Variants in KRT26 observed in about 807,000 individuals in gnomAD.
The protein encoded by KRT26 is keratin 26, also known as keratin, type I cytoskeletal 26.
In KRT26, 45 loss-of-function variants were observed where a neutral mutation model predicts 46.1. The observed-to-expected ratio is 0.98, with a 90% CI of 0.77 to 1.25. The LOEUF (loss-of-function observed/expected upper bound fraction) is 1.25, where lower values mean the gene tolerates loss of function less well. Ranked by LOEUF, KRT26 falls within the 50% of genes most tolerant of loss-of-function variation. The pLI is 0.00. For missense variants in KRT26, 582 were observed against 560.1 expected (o/e 1.04, Z -0.39); for synonymous variants, 191 against 209.9 (o/e 0.91, Z 0.78).
exon 1 of KRT26, chr17:40,772,084 C>G (rs1224523072): frequency 1.2e-6 from 2 of 1,614,052 alleles, no homozygotes; most frequent in South Asian, 2.2e-5. Context: ...AGCAGATCCT[C>G]CTGGATCCAC....
chr17:40,769,675 G>A, intron 5 of KRT26, 79 bp downstream of exon 5: 1 of 1,391,992 alleles, frequency 7.2e-7, no homozygotes, highest in South Asian at 1.2e-5. Context: ...TACGTACTTG[G>A]TGTTATATGT....
chr17:40,771,551 G>T, intron 1 of KRT26, 122 bp downstream of exon 1: 2 of 837,508 alleles, frequency 2.4e-6, no homozygotes, highest in Non-Finnish European at 3.7e-6. Context: ...CTTAGCACTG[G>T]AAATACAGAG....
exon 4 of KRT26, chr17:40,770,035 T>G: frequency 6.2e-7 from 1 of 1,614,174 alleles, no homozygotes; most frequent in Non-Finnish European, 8.5e-7. Flanking sequence ...CTCATGTTGT[T>G]CAACAGGACA....
chr17:40,770,129 A>G lies in KRT26; in HGVS notation c.682-7T>C. 1.2e-6 allele frequency: 2 copies of G among 1,614,142 alleles called. No homozygotes were observed. Among genetic ancestry groups the G allele is most frequent in the Non-Finnish European group, 1.7e-6 (2 of 1,179,984 alleles). On this transcript the variant is annotated splice_polypyrimidine_tract_variant and splice_region_variant and intron_variant, in intron 3 of 7. Coordinates refer to ENST00000335552, the Ensembl canonical transcript of KRT26. ...ATTGCAAGACTTCCATTTCCTAGAAAAGGGATCGGTATTCATCCTCAGTGG... is the reference window on the plus strand; with the variant it reads ...ATTGCAAGACTTCCATTTCCTAGAAGAGGGATCGGTATTCATCCTCAGTGG...
intron 6 of KRT26, among the ~76,000 whole-genome samples, chr17:40,768,173 G>A (rs1458227133): frequency 2.0e-5 from 3 of 152,218 alleles, no homozygotes; most frequent in Non-Finnish European, 2.9e-5. Flanking sequence ...ATGGGCCTTG[G>A]AGGGTGCAAG....
chr17:40,766,960 G>A lies in KRT26; in HGVS notation c.1256-294C>T, dbSNP rs1336162208. On this transcript the variant is annotated intron_variant, in intron 7 of 7. Transcript: ENST00000335552. ...TCACCATGTTGACCAGGCTGGTCTC[G>A]AACTCCTGACCTCAAGTGATCCACC... 2.6e-5 allele frequency among the ~76,000 whole-genome samples: 4 copies of A among 152,110 alleles called. No individual in the cohort carries two copies. The East Asian group carries it at 7.7e-4, about 29-fold the overall frequency.
exon 5 of KRT26, chr17:40,769,824 C>T (rs2038204737): frequency 6.2e-7 from 1 of 1,614,192 alleles, no homozygotes; most frequent in Non-Finnish European, 8.5e-7. Flanking sequence ...CAGCTCATTT[C>T]TGGCTGCTGT....
exon 2 of KRT26, chr17:40,771,155 T>G: frequency 6.4e-7 from 1 of 1,561,868 alleles, no homozygotes; most frequent in Non-Finnish European, 8.7e-7. Context: ...TTCACCTACT[T>G]CAGCCTGAAG....
intron 6 of KRT26, among the ~76,000 whole-genome samples, chr17:40,767,874 ACC>A (rs2038183937): frequency 2.0e-5 from 3 of 152,178 alleles, no homozygotes; most frequent in Non-Finnish European, 4.4e-5. Flanking sequence ...ACCAGAAATT[ACC>A]TCTTTCATCT....
At chr17:40,770,166 T>A in intron 3 of KRT26, 44 bp from the exon 4 acceptor site, 1 of 1,612,694 alleles carries the variant, frequency 6.2e-7, no homozygotes. Flanking sequence ...GGATTTTGAT[T>A]GATGTTCATG....
intron 2 of KRT26, 81 bp downstream of exon 2, chr17:40,771,073 C>A: frequency 3.6e-6 from 3 of 838,340 alleles, no homozygotes; most frequent in South Asian, 2.3e-5. Flanking sequence ...TTTTGGTTTT[C>A]AAAGCAAAAT....
chr17:40,767,072 A>T (rs767335971), intron 7 of KRT26, among the ~76,000 whole-genome samples: 1 of 152,214 alleles, frequency 6.6e-6, no homozygotes, highest in Non-Finnish European at 1.5e-5. Flanking sequence ...TGTTTTTTGC[A>T]AGTTTGCAGT....
At chr17:40,768,857 T>TC in intron 6 of KRT26, 22 bp downstream of exon 6, 1 of 1,368,230 alleles carries the variant, frequency 7.3e-7, no homozygotes, top group Non-Finnish European at 1.0e-6. Flanking sequence ...GTTTTTTTTT[T>TC]TTTTTGCAAG....
Position 40,767,566 on chromosome 17 carries a change from TAA to T in KRT26, c.1255+18_1255+19del. 6.6e-7 allele frequency: 1 copy of T among 1,512,604 alleles called. No individual in the cohort carries two copies. Among genetic ancestry groups the T allele is most frequent in the African/African-American group, 1.4e-5 (1 of 71,800 alleles). 93.7% of individuals were successfully genotyped at this position (1,512,604 alleles called of 1,614,324 possible). ...ATGGAGTTTAAGGAGTTACACCAGG[TAA>T]AAAAAATCTATCTATACCTTTGGCT... On this transcript the variant is annotated intron_variant, in intron 7 of 7. Transcript: ENST00000335552.
rs540566287 is a variant in KRT26 at position 40,770,456 on chromosome 17, CA to C, written c.525-48del. ...TGAGAGTTGTCATCGTAGGCAGGTG[CA>C]AAGCACAACTTTTTAAGGTATTTCA... On this transcript the variant is annotated intron_variant, in intron 2 of 7. Transcript: ENST00000335552. The C allele has an allele frequency of 2.0e-3, 2,990 of 1,459,814 alleles. 9 individuals are homozygous for C. Among genetic ancestry groups the C allele is most frequent in the Non-Finnish European group, 2.6e-3 (2,798 of 1,076,606 alleles). The allele number at this position is 1,459,814 out of a possible 1,614,324, so 90.4% of individuals were successfully genotyped here. A position where few individuals can be genotyped will look rare whatever the true frequency, so the allele number is the denominator to read the frequency against.
chr17:40,770,499 A>T (rs1410521065), intron 2 of KRT26, 90 bp from the exon 3 acceptor site: 8 of 1,066,924 alleles, frequency 7.5e-6, no homozygotes, highest in Non-Finnish European at 1.1e-5. Flanking sequence ...GAAAGATATG[A>T]TGTTCTGTAC....
At chr17:40,768,399 C>T (rs997023923) in intron 6 of KRT26, among the ~76,000 whole-genome samples, 15 of 152,260 alleles carry the variant, frequency 9.9e-5, no homozygotes, top group African/African-American at 3.6e-4. Flanking sequence ...CATAATTCAC[C>T]CAGTATTTGA....
chr17:40,769,650 A>G (rs985761085), intron 5 of KRT26, 104 bp downstream of exon 5: 1 of 1,167,208 alleles, frequency 8.6e-7, no homozygotes, highest in Non-Finnish European at 1.3e-6. Flanking sequence ...ACTTTTAGTC[A>G]TATGTAAATG....
chr17:40,770,730 A>C (rs949353419), intron 2 of KRT26, among the ~76,000 whole-genome samples: 2 of 152,190 alleles, frequency 1.3e-5, no homozygotes, highest in African/African-American at 2.4e-5. Context: ...TGTCACCCAG[A>C]CTGAAGTGCA....
Sources: gnomAD v4.1 joint callset for allele counts (sites outside exome capture counted in the v4.1 genomes callset) on GRCh38, gnomAD v4.1.1 for gene constraint, MANE v1.5 for transcripts, NCBI Gene and HGNC (gene_info 2026-07-23, HGNC 2026-07-21) for gene names.